Variants in INTS13 observed in about 807,000 individuals in gnomAD.
INTS13 encodes the protein integrator complex subunit 13.
In INTS13, 35 loss-of-function variants were observed where a neutral mutation model predicts 90.2. That is an observed-to-expected ratio of 0.39 (90% confidence interval 0.30 to 0.51). The LOEUF (loss-of-function observed/expected upper bound fraction) is 0.51. Among genes scored for constraint, INTS13 ranks in the 20% least tolerant of loss-of-function variants. The pLI, the probability that INTS13 is intolerant of heterozygous loss-of-function variation, is 0.80. For synonymous variants in INTS13, 309 were observed against 277.1 expected (o/e 1.11, Z -1.14); for missense variants, 601 against 851.2 (o/e 0.71, Z 3.66).
intron 3 of INTS13, 47 bp from the exon 4 acceptor site, chr12:26,928,952 C>A (rs772176451): frequency 2.0e-6 from 3 of 1,527,820 alleles, no homozygotes; most frequent in Non-Finnish European, 2.7e-6. Flanking sequence ...ATGTGCAATT[C>A]AGATAAAAAT....
chr12:26,918,598 A>G (rs1952011020), intron 8 of INTS13, among the ~76,000 whole-genome samples: 1 of 152,250 alleles, frequency 6.6e-6, no homozygotes, highest in South Asian at 2.1e-4. Flanking sequence ...GTACTCAGAA[A>G]AAGCTTAAGG....
chr12:26,936,208 T>C (rs1377083682), intron 2 of INTS13, among the ~76,000 whole-genome samples: 2 of 152,212 alleles, frequency 1.3e-5, no homozygotes, highest in African/African-American at 2.4e-5. Context: ...AGCTGCTACA[T>C]GCCAGCACAG....
At chr12:26,933,287 C>T (rs1442023162) in intron 3 of INTS13, among the ~76,000 whole-genome samples, 1 of 152,024 alleles carries the variant, frequency 6.6e-6, no homozygotes, top group Non-Finnish European at 1.5e-5. Flanking sequence ...AACACAGAGA[C>T]AAGAACATTA....
chr12:26,938,092 A>C (rs564312145), upstream of INTS13: 1,509 of 152,774 alleles, frequency 9.9e-3, 9 homozygotes, highest in Non-Finnish European at 0.015. Context: ...CAGGCGTCCC[A>C]GTCGCCGAAC....
intron 8 of INTS13, among the ~76,000 whole-genome samples, chr12:26,918,039 T>C (rs1951993435): frequency 6.6e-6 from 1 of 151,980 alleles, no homozygotes; most frequent in Admixed American, 6.6e-5. Flanking sequence ...GAAGAATCGC[T>C]TGAACCTGGG....
Position 26,934,540 on chromosome 12 carries a change from C to T in INTS13, c.300+16G>A. On this transcript the variant is annotated intron_variant, in intron 3 of 16. Transcript: ENST00000261191. ...AGATAATTTACAAATGGCCACAGCT[C>T]AAAATCTAACCATACCTCCTGTAAA... 1 of 1,582,584 alleles carries T rather than the reference C, an allele frequency of 6.3e-7. No homozygotes were observed. Among genetic ancestry groups the T allele is most frequent in the South Asian group, 1.1e-5 (1 of 89,752 alleles).
At chr12:26,936,488 A>T in intron 2 of INTS13, 91 bp downstream of exon 2, 2 of 913,084 alleles carry the variant, frequency 2.2e-6, no homozygotes, top group South Asian at 3.3e-5. Context: ...ATAAACACAC[A>T]GTCATTATCT....
intron 3 of INTS13, among the ~76,000 whole-genome samples, chr12:26,929,752 A>G (rs1938089159): frequency 1.3e-5 from 2 of 151,104 alleles, no homozygotes; most frequent in Admixed American, 6.6e-5. Flanking sequence ...AGGAAAGAAG[A>G]AAGAAAGGAA....
At chr12:26,923,978 G>A (rs527825498) in intron 7 of INTS13, among the ~76,000 whole-genome samples, 1 of 152,074 alleles carries the variant, frequency 6.6e-6, no homozygotes, top group Non-Finnish European at 1.5e-5. Context: ...CACATAACGT[G>A]TTCTTATTAG....
At chr12:26,927,344 A>G (rs1937932790) in intron 5 of INTS13, among the ~76,000 whole-genome samples, 1 of 152,216 alleles carries the variant, frequency 6.6e-6, no homozygotes, top group South Asian at 2.1e-4. Flanking sequence ...GGTCTGTATT[A>G]ACTCCAAGGA....
At chr12:26,932,260 T>C (rs959612822) in intron 3 of INTS13, among the ~76,000 whole-genome samples, 1 of 152,138 alleles carries the variant, frequency 6.6e-6, no homozygotes, top group East Asian at 1.9e-4. Flanking sequence ...GAAATCTAAG[T>C]GCCCATGGAA....
At chr12:26,915,024 C>T (rs998491355) in intron 11 of INTS13, among the ~76,000 whole-genome samples, 1 of 152,070 alleles carries the variant, frequency 6.6e-6, no homozygotes, top group Non-Finnish European at 1.5e-5. Flanking sequence ...GTCAGGAGTT[C>T]GAGACCAGCC....
chr12:26,931,230 G>C (rs1044672772), intron 3 of INTS13, among the ~76,000 whole-genome samples: 21 of 151,672 alleles, frequency 1.4e-4, no homozygotes, highest in African/African-American at 4.8e-4. Context: ...ATCGCTTGAG[G>C]TTAGGAGATC....
chr12:26,906,725 T>C (rs1187895751), intron 15 of INTS13, among the ~76,000 whole-genome samples: 1 of 152,170 alleles, frequency 6.6e-6, no homozygotes. Context: ...AGCATTACAG[T>C]AAGGAGACAC....
chr12:26,906,252 T>TA (rs770313037), intron 16 of INTS13, 50 bp downstream of exon 16: 1 of 1,517,604 alleles, frequency 6.6e-7, no homozygotes, highest in Admixed American at 2.0e-5. Context: ...ATTGTTAAGG[T>TA]ACTATACAGG....
chr12:26,906,222 AT>A (rs1951603926), intron 16 of INTS13, 79 bp downstream of exon 16: 1 of 1,360,118 alleles, frequency 7.4e-7, no homozygotes, highest in Admixed American at 2.5e-5. Context: ...AAAACTGCTG[AT>A]TATTACAAAT....
chr12:26,914,709 C>T, intron 11 of INTS13, 131 bp from the exon 12 acceptor site: 2 of 621,752 alleles, frequency 3.2e-6, no homozygotes, highest in South Asian at 5.4e-5. Context: ...TAACAGTATC[C>T]CTTAACTCCA....
At chr12:26,924,551 T>G in intron 6 of INTS13, 68 bp from the exon 7 acceptor site, 1 of 1,475,418 alleles carries the variant, frequency 6.8e-7, no homozygotes, top group Non-Finnish European at 9.2e-7. Flanking sequence ...TGCTAAATAT[T>G]TTAGTATAAA....
intron 6 of INTS13, among the ~76,000 whole-genome samples, chr12:26,924,930 T>C (rs1937783556): frequency 6.6e-6 from 1 of 152,206 alleles, no homozygotes; most frequent in Non-Finnish European, 1.5e-5. Flanking sequence ...AAAAATTTCA[T>C]TCTGTCACCA....
Sources: allele counts gnomAD v4.1 joint callset (sites outside exome capture counted in the v4.1 genomes callset), GRCh38; gene constraint gnomAD v4.1.1; transcripts MANE v1.5; gene names NCBI Gene and HGNC (gene_info 2026-07-23, HGNC 2026-07-21).